Variants in STIM1 observed in about 807,000 individuals in gnomAD.
The protein encoded by STIM1 is stromal interaction molecule 1.
A neutral mutation model predicts 74.7 loss-of-function variants in STIM1; 25 were observed. The ratio of observed to expected loss-of-function variants is 0.33; its 90% CI spans 0.24 to 0.47. The LOEUF is 0.47. STIM1 is among the 20% of genes least tolerant of loss of function. The pLI, the probability that STIM1 is intolerant of heterozygous loss-of-function variation, is 1.00. For synonymous variants in STIM1, 328 were observed against 348.8 expected, an observed-to-expected ratio of 0.94 and a Z score of 0.66; for missense variants, 728 against 920.8, an observed-to-expected ratio of 0.79 and a Z score of 2.71.
chr11:3,876,510 A>G (rs1404477152), intron 1 of STIM1, among the ~76,000 whole-genome samples: 6 of 152,170 alleles, frequency 3.9e-5, no homozygotes, highest in Non-Finnish European at 8.8e-5. Flanking sequence ...GGCTCAAGCA[A>G]TCCTCCTGCT....
intron 1 of STIM1, among the ~76,000 whole-genome samples, chr11:3,866,387 A>G (rs1298197091): frequency 6.6e-6 from 1 of 150,988 alleles, no homozygotes; most frequent in Non-Finnish European, 1.5e-5. Context: ...CTCTCTGTGC[A>G]CTTCACACCC....
chr11:4,022,646 A>G (rs537215348), intron 2 of STIM1, among the ~76,000 whole-genome samples: 49 of 152,212 alleles, frequency 3.2e-4, no homozygotes, highest in African/African-American at 1.2e-3. Flanking sequence ...TATTCCTTCT[A>G]TACCTAATTT....
Position 4,084,744 on chromosome 11 carries a change from C to G in STIM1, c.1546C>G (p.Gln516Glu), listed in dbSNP as rs2094483153. ...CTCTACATCCGCCGGCTCGGATGAT[C>G]AGTCCCTCTGGAAATACCCCGGTTT... is the stretch of plus-strand genomic sequence containing the variant. ...LCSTSAGSDD[Q>E]SLWKYPAPSL... The change falls in exon 11 of 13, where the codon CAG (glutamine) becomes GAG (glutamate). Residue 516 changes from glutamine (Q) to glutamate (E), a missense_variant. Gln to Glu is a conservative substitution (Grantham distance 29). Transcript: ENST00000526596. 7.8e-7 allele frequency: 1 copy of G among 1,289,410 alleles called. No homozygotes were observed. Among genetic ancestry groups the G allele is most frequent in the Non-Finnish European group, 1.0e-6 (1 of 988,890 alleles). 79.9% of individuals were successfully genotyped at this position (1,289,410 alleles called of 1,614,324 possible).
chr11:4,020,976 G>T (rs1218889968), intron 2 of STIM1, among the ~76,000 whole-genome samples: 1 of 151,896 alleles, frequency 6.6e-6, no homozygotes, highest in African/African-American at 2.4e-5. Context: ...TTTCTATTGA[G>T]TTGTTCGAGT....
chr11:4,072,360 T>G (rs2094409273), intron 6 of STIM1, among the ~76,000 whole-genome samples: 1 of 152,214 alleles, frequency 6.6e-6, no homozygotes, highest in Non-Finnish European at 1.5e-5. Context: ...TCCTGATAAT[T>G]TATGTGAATA....
chr11:3,987,447 T>C (rs1297966966), intron 2 of STIM1, among the ~76,000 whole-genome samples: 1 of 152,210 alleles, frequency 6.6e-6, no homozygotes, highest in Non-Finnish European at 1.5e-5. Context: ...TGGAAAACTT[T>C]GTGCAGTCTC....
chr11:4,044,654 AAAC>A (rs1239107417), intron 3 of STIM1, among the ~76,000 whole-genome samples: 1 of 152,208 alleles, frequency 6.6e-6, no homozygotes, highest in Non-Finnish European at 1.5e-5. Context: ...ATGCAGATAA[AAAC>A]AACAACAACA....
intron 1 of STIM1, among the ~76,000 whole-genome samples, chr11:3,861,189 C>T (rs2090584833): frequency 6.6e-6 from 1 of 151,518 alleles, no homozygotes; most frequent in Non-Finnish European, 1.5e-5. Flanking sequence ...ACATGAGCAC[C>T]CATAGGTAGG....
intron 4 of STIM1, chr11:4,059,001 T>G (rs1281195733): frequency 8.8e-7 from 1 of 1,132,904 alleles, no homozygotes. Flanking sequence ...ACAGAAAATT[T>G]AGTTGGGTGT....
chr11:3,870,651 C>G lies in STIM1; in HGVS notation c.139+14242C>G, dbSNP rs114251742. On this transcript the variant is annotated intron_variant, in intron 1 of 12. Transcript: ENST00000526596. ...AGCTGGTACTACAGGTGTGTACCACCATGCCTGGCTAGTTTTTATATTTTT... is the reference window on the plus strand; with the variant it reads ...AGCTGGTACTACAGGTGTGTACCACGATGCCTGGCTAGTTTTTATATTTTT... Among the ~76,000 whole-genome samples the G allele has an allele frequency of 4.0e-3, 611 of 152,076 alleles. 3 individuals are homozygous for G. The highest frequency in any genetic ancestry group is 0.014 in the African/African-American group (585 of 41,478).
At chr11:4,049,065 A>G (rs2094216629) in intron 3 of STIM1, among the ~76,000 whole-genome samples, 1 of 152,176 alleles carries the variant, frequency 6.6e-6, no homozygotes, top group Non-Finnish European at 1.5e-5. Context: ...ACTTTTTATG[A>G]CTATTCATTA....
At chr11:4,017,959 A>G (rs767404947) in intron 2 of STIM1, among the ~76,000 whole-genome samples, 5 of 152,214 alleles carry the variant, frequency 3.3e-5, no homozygotes, top group African/African-American at 7.2e-5. Context: ...TTCATGTTAT[A>G]CCTCTGTTCA....
chr11:4,032,980 T>G (rs1002260950), intron 3 of STIM1, among the ~76,000 whole-genome samples: 2 of 152,224 alleles, frequency 1.3e-5, no homozygotes, highest in African/African-American at 4.8e-5. Context: ...CTAGGGTTTT[T>G]ATGGTTTTAG....
At chr11:3,903,111 C>G (rs568917316) in intron 1 of STIM1, among the ~76,000 whole-genome samples, 2 of 151,850 alleles carry the variant, frequency 1.3e-5, no homozygotes, top group South Asian at 2.1e-4. Flanking sequence ...TTGTACCAAC[C>G]CTATGAAAGT....
chr11:3,895,674 C>CTTTCTTT (rs1472870107), intron 1 of STIM1, among the ~76,000 whole-genome samples: 6 of 46,374 alleles, frequency 1.3e-4, no homozygotes, highest in South Asian at 8.6e-4. Context: ...TTCTTTCTTT[C>CTTTCTTT]CTTCCTTCCT....
At chr11:4,080,607 C>G (rs2094460566) in intron 7 of STIM1, among the ~76,000 whole-genome samples, 2 of 152,024 alleles carry the variant, frequency 1.3e-5, no homozygotes, top group Admixed American at 1.3e-4. Flanking sequence ...GCTGGGACCA[C>G]AGGTGCACAC....
intron 5 of STIM1, among the ~76,000 whole-genome samples, chr11:4,061,962 T>A (rs149510850): frequency 6.6e-5 from 10 of 152,122 alleles, no homozygotes; most frequent in African/African-American, 2.2e-4. Flanking sequence ...TGTAGACTAA[T>A]GGTTGGCAGG....
intron 1 of STIM1, among the ~76,000 whole-genome samples, chr11:3,905,596 T>C (rs899772707): frequency 6.6e-6 from 1 of 152,138 alleles, no homozygotes; most frequent in Admixed American, 6.5e-5. Flanking sequence ...TTGCACCATT[T>C]ATTGAGTAAC....
At position 3,972,107 on chromosome 11, in the gene STIM1, G is replaced by C. The variant is rs187641054; in HGVS notation, c.270+4425G>C. ...CCTTGGGTTCTGATGAAGGACCTGA[G>C]ATTTTTATAAGTCATCTTAAAAGCC... On this transcript the variant is annotated intron_variant, in intron 2 of 12. Coordinates refer to ENST00000526596, the MANE Select transcript of STIM1 (RefSeq NM_001382567.1). Among the ~76,000 whole-genome samples, 276 of 152,290 alleles carry C rather than the reference G, an allele frequency of 1.8e-3. 1 individual carries two copies. Among genetic ancestry groups the C allele is most frequent in the Admixed American group, 4.3e-3 (66 of 15,300 alleles).
Sources: gnomAD v4.1 joint callset for allele counts (sites outside exome capture counted in the v4.1 genomes callset) on GRCh38, gnomAD v4.1.1 for gene constraint, MANE v1.5 for transcripts, NCBI Gene and HGNC (gene_info 2026-07-23, HGNC 2026-07-21) for gene names.